The following EYA3 variants were observed in gnomAD, a reference collection of about 807,000 sequenced individuals.
EYA3 encodes the protein protein phosphatase EYA3.
A neutral mutation model predicts 80.0 loss-of-function variants in EYA3; 39 were observed. That is an observed-to-expected ratio of 0.49 (90% CI 0.38 to 0.64). The LOEUF is 0.64. EYA3 is among the 30% of genes least tolerant of loss of function. The pLI is 0.00. For synonymous variants in EYA3, 206 were observed against 232.8 expected, an observed-to-expected ratio of 0.88 and a Z score of 1.05; for missense variants, 523 against 676.1, an observed-to-expected ratio of 0.77 and a Z score of 2.51.
At chr1:28,024,196 G>A (rs185263911) in intron 7 of EYA3, among the ~76,000 whole-genome samples, 254 of 152,204 alleles carry the variant, frequency 1.7e-3, no homozygotes, top group Non-Finnish European at 2.9e-3. Flanking sequence ...CTGAGATCAC[G>A]CCACTGCACT....
chr1:28,065,832 A>G (rs1644817719), intron 1 of EYA3, among the ~76,000 whole-genome samples: 1 of 151,368 alleles, frequency 6.6e-6, no homozygotes, highest in South Asian at 2.1e-4. Flanking sequence ...GTGAAACCCC[A>G]TCTCTACTAA....
At chr1:28,065,941 G>A (rs1048329084) in intron 1 of EYA3, among the ~76,000 whole-genome samples, 2 of 151,980 alleles carry the variant, frequency 1.3e-5, no homozygotes, top group African/African-American at 2.4e-5. Flanking sequence ...CCCGGGAGGC[G>A]GAGGTTGCAG....
chr1:28,069,192 C>T (rs1318906355), intron 1 of EYA3, among the ~76,000 whole-genome samples: 2 of 151,948 alleles, frequency 1.3e-5, no homozygotes, highest in Non-Finnish European at 2.9e-5. Flanking sequence ...CTCACTGCAA[C>T]CTCCACCTCC....
chr1:28,069,354 C>G (rs1479175008), intron 1 of EYA3, among the ~76,000 whole-genome samples: 5 of 151,870 alleles, frequency 3.3e-5, no homozygotes, highest in African/African-American at 1.2e-4. Flanking sequence ...AGTGATCTAC[C>G]CACCTCGGCC....
At chr1:27,994,785 A>C (rs1441815682) in intron 13 of EYA3, among the ~76,000 whole-genome samples, 1 of 152,016 alleles carries the variant, frequency 6.6e-6, no homozygotes, top group East Asian at 1.9e-4. Flanking sequence ...TGGGCAACAT[A>C]GCAAGATCCC....
At chr1:27,976,030 T>A (rs1490219312) in intron 17 of EYA3, among the ~76,000 whole-genome samples, 1 of 152,216 alleles carries the variant, frequency 6.6e-6, no homozygotes, top group East Asian at 1.9e-4. Flanking sequence ...GGTTCCAAGT[T>A]ACTCAGAATA....
chr1:28,035,356 C>A (rs1643387206), intron 6 of EYA3, among the ~76,000 whole-genome samples, 188 bp downstream of exon 6: 1 of 152,208 alleles, frequency 6.6e-6, no homozygotes, highest in East Asian at 1.9e-4. Context: ...TTAGTACATA[C>A]AAAATAGCTA....
chr1:28,021,052 G>A (rs186534103), intron 7 of EYA3, among the ~76,000 whole-genome samples: 1 of 152,326 alleles, frequency 6.6e-6, no homozygotes, highest in Non-Finnish European at 1.5e-5. Context: ...GCTGCACCAA[G>A]TGATAGTGCT....
At chr1:28,031,438 A>G (rs888960639) in intron 6 of EYA3, among the ~76,000 whole-genome samples, 4 of 152,242 alleles carry the variant, frequency 2.6e-5, no homozygotes, top group African/African-American at 9.6e-5. Context: ...ACTTTTAAGC[A>G]TCAAGAGCCT....
In EYA3 at chr1:28,042,232, C is replaced by T. The variant is rs558776196; in HGVS notation, c.157+339G>A. ...CACACCTTTTAAAAAAAAGTTACAC[C>T]TTTTTAAAAAATATACATGGGAAGT... On this transcript the variant is annotated intron_variant, in intron 4 of 17. Coordinates refer to ENST00000373871, the MANE Select transcript of EYA3 (RefSeq NM_001990.4). Among the ~76,000 whole-genome samples the T allele has an allele frequency of 1.1e-4, 17 of 152,260 alleles. No individual in the cohort carries two copies. In the South Asian group the frequency reaches 3.5e-3, roughly 32 times the overall value.
At chr1:28,060,468 T>C (rs1376742339) in intron 1 of EYA3, among the ~76,000 whole-genome samples, 1 of 152,190 alleles carries the variant, frequency 6.6e-6, no homozygotes, top group African/African-American at 2.4e-5. Flanking sequence ...TGTTAAAATA[T>C]TGAATTTTGC....
chr1:28,053,216 C>T (rs1644329436), intron 2 of EYA3, among the ~76,000 whole-genome samples: 1 of 146,526 alleles, frequency 6.8e-6, no homozygotes, highest in Non-Finnish European at 1.5e-5. Context: ...AAAATTTATT[C>T]TGGTAATGGT....
chr1:28,077,050 A>G (rs1444439340), intron 1 of EYA3, among the ~76,000 whole-genome samples: 2 of 149,862 alleles, frequency 1.3e-5, no homozygotes, highest in African/African-American at 4.9e-5. Flanking sequence ...CTGTTTTTAT[A>G]ATTTCTAATA....
At chr1:28,061,027 A>G (rs1430298403) in intron 1 of EYA3, among the ~76,000 whole-genome samples, 1 of 152,166 alleles carries the variant, frequency 6.6e-6, no homozygotes, top group African/African-American at 2.4e-5. Flanking sequence ...AAGAAAAGAA[A>G]AGAAAAGTTT....
intron 1 of EYA3, among the ~76,000 whole-genome samples, chr1:28,062,116 T>C (rs904133338): frequency 3.3e-5 from 5 of 152,224 alleles, no homozygotes; most frequent in Non-Finnish European, 5.9e-5. Flanking sequence ...TAAGTACCTT[T>C]AGAACATTTG....
At chr1:28,071,404 T>C (rs1383122045) in intron 1 of EYA3, among the ~76,000 whole-genome samples, 1 of 152,234 alleles carries the variant, frequency 6.6e-6, no homozygotes, top group African/African-American at 2.4e-5. Context: ...ATTTCTCTCA[T>C]GTAATAGTTA....
chr1:28,003,716 G>C (rs941110943), intron 11 of EYA3, among the ~76,000 whole-genome samples: 3 of 152,048 alleles, frequency 2.0e-5, no homozygotes, highest in African/African-American at 7.2e-5. Context: ...CTGGGGTGCA[G>C]ATATTTGTAT....
chr1:28,024,468 C>T (rs1291179404), intron 7 of EYA3, among the ~76,000 whole-genome samples: 1 of 151,906 alleles, frequency 6.6e-6, no homozygotes, highest in Non-Finnish European at 1.5e-5. Context: ...ACCAGACTGG[C>T]CAACATGATG....
chr1:28,084,556 A>AAAATATATAT (rs1645544380), intron 1 of EYA3, among the ~76,000 whole-genome samples: 2 of 32,730 alleles, frequency 6.1e-5, no homozygotes, highest in African/African-American at 2.3e-4. Context: ...ACTATTCCAA[A>AAAATATATAT]ATATATATAT....
Sources: gnomAD v4.1 joint callset for allele counts (sites outside exome capture counted in the v4.1 genomes callset) on GRCh38, gnomAD v4.1.1 for gene constraint, MANE v1.5 for transcripts, NCBI Gene and HGNC (gene_info 2026-07-23, HGNC 2026-07-21) for gene names.